The following CCAR2 variants were observed in gnomAD, a reference collection of about 807,000 sequenced individuals.
CCAR2 encodes the protein cell cycle and apoptosis regulator protein 2.
CCAR2 carries 21 observed loss-of-function variants against 108.1 expected under a neutral mutation model. The observed-to-expected ratio is 0.19, with a 90% confidence interval of 0.14 to 0.28. The LOEUF (loss-of-function observed/expected upper bound fraction) is 0.28, where lower values mean the gene tolerates loss of function less well. Among genes scored for constraint, CCAR2 ranks in the 10% least tolerant of loss-of-function variants. The pLI is 1.00. For synonymous variants in CCAR2, 577 were observed against 472.8 expected, an observed-to-expected ratio of 1.22 and a Z score of -2.86; for missense variants, 1,126 against 1,177.0, an observed-to-expected ratio of 0.96 and a Z score of 0.63.
Position 22,607,219 on chromosome 8 carries a change from T to A in CCAR2, c.381T>A (p.Pro127=). ...AGCCCCTACTGAAGTCCCCAGCACC[T>A]CCTCTTCTGCATGTAGCAGCCCTGG... ...SNQPLLKSPA[P]PLLHVAALGQ... is the part of the protein sequence containing the mutation. Residue 127 remains proline (P), a synonymous_variant, in exon 6 of 21, where the codon CCT becomes CCA. Transcript: ENST00000308511. The A allele has an allele frequency of 1.2e-6, 2 of 1,613,972 alleles. No individual in the cohort carries two copies. The highest frequency in any genetic ancestry group is 1.1e-5 in the South Asian group (1 of 91,066).
At position 22,618,667 on chromosome 8, in the gene CCAR2, G is replaced by A. The variant is rs1801621447; in HGVS notation, c.2271G>A (p.Arg757=). 9 of 1,613,982 alleles carry A rather than the reference G, an allele frequency of 5.6e-6. No homozygotes were observed. Among genetic ancestry groups the A allele is most frequent in the Non-Finnish European group, 7.6e-6 (9 of 1,180,048 alleles). ...RVVTQNICQY[R]SLQYSRQEGL... is the part of the protein sequence containing the mutation. ...TGACCCAGAACATCTGCCAGTACCG[G>A]AGCCTTCAGTACAGCCGCCAGGAGG... is the stretch of plus-strand genomic sequence containing the variant. Residue 757 remains arginine (R), a synonymous_variant, in exon 18 of 21, where the codon CGG becomes CGA. Transcript: ENST00000308511.
chr8:22,606,874 T>C (rs2117412751), intron 4 of CCAR2, 36 bp from the exon 5 acceptor site: 1 of 1,606,242 alleles, frequency 6.2e-7, no homozygotes, highest in East Asian at 2.2e-5. Flanking sequence ...CCAGGGTCCC[T>C]CTTCTGATGG....
intron 11 of CCAR2, 67 bp downstream of exon 11, chr8:22,615,068 C>CCGGT: frequency 1.4e-6 from 2 of 1,457,594 alleles, no homozygotes; most frequent in Non-Finnish European, 1.8e-6. Flanking sequence ...TTGGGAAGGC[C>CCGGT]CGGTCCCTGC....
intron 14 of CCAR2, chr8:22,616,672 C>T (rs983071607): frequency 4.3e-5 from 8 of 184,584 alleles, no homozygotes; most frequent in Admixed American, 2.1e-4. Flanking sequence ...AAAAATTAGC[C>T]GGGTGTGGTG....
chr8:22,608,176 A>G lies in CCAR2; in HGVS notation c.584+111A>G. ...AAGTGAACCCAGGTCAACTGCTTGG[A>G]AGGTGGCTATGCTTACCACTAACAT... is the stretch of plus-strand genomic sequence containing the variant. On this transcript the variant is annotated intron_variant, in intron 7 of 20. Coordinates refer to ENST00000308511, the MANE Select transcript of CCAR2 (RefSeq NM_001393997.1). 8.6e-6 allele frequency: 7 copies of G among 813,852 alleles called. No homozygotes were observed. The South Asian group carries it at 1.2e-4, about 14-fold the overall frequency. The allele number at this position is 813,852 out of a possible 1,614,324, so 50.4% of individuals were successfully genotyped here.
rs755617496 is a variant in CCAR2 at position 22,620,417 on chromosome 8, G to GGTTT, written c.*735_*736insGTTT. ...GTTTGACTTTGTATATAAAGTTGGG[G>GGTTT]TTTTTTTTTTTTTTTTTTGGCTTGT... On this transcript the variant is annotated 3_prime_UTR_variant, in exon 21 of 21. Transcript: ENST00000308511. 2.1e-4 allele frequency: 26 copies of GGTTT among 124,090 alleles called. No individual in the cohort carries two copies. Among genetic ancestry groups the GGTTT allele is most frequent in the African/African-American group, 6.5e-4 (22 of 33,882 alleles). 7.7% of individuals were successfully genotyped at this position (124,090 alleles called of 1,614,324 possible). A position where few individuals can be genotyped will look rare whatever the true frequency, so the allele number is the denominator to read the frequency against.
intron 2 of CCAR2, 90 bp from the exon 3 acceptor site, chr8:22,605,995 C>A: frequency 7.5e-7 from 1 of 1,334,468 alleles, no homozygotes; most frequent in Non-Finnish European, 1.1e-6. Context: ...CTGGCTGGAG[C>A]TGTAGCCTTT....
In CCAR2 at chr8:22,614,203, C is replaced by T. The variant is rs1256482033; in HGVS notation, c.816C>T (p.Pro272=). Residue 272 remains proline, a synonymous_variant, in exon 9 of 21, where the codon CCC becomes CCT. Coordinates refer to ENST00000308511, the MANE Select transcript of CCAR2 (RefSeq NM_001393997.1). ...SWLSAFPLSQ[P]FSLHHPSRIQ... ...TATCAGCCTTCCCCCTGAGCCAGCCCTTTTCCCTCCATCATCCAAGCCGGA... is the reference window on the plus strand; with the variant it reads ...TATCAGCCTTCCCCCTGAGCCAGCCTTTTTCCCTCCATCATCCAAGCCGGA... The T allele has an allele frequency of 6.2e-7, 1 of 1,614,104 alleles. No individual in the cohort carries two copies.
Position 22,614,854 on chromosome 8 carries a change from A to C in CCAR2, c.1058A>C (p.Lys353Thr). The C allele has an allele frequency of 1.2e-6, 2 of 1,609,806 alleles. No homozygotes were observed. The highest frequency in any genetic ancestry group is 2.7e-5 in the African/African-American group (2 of 73,294). ...LKQIKFLLGRKEEEAVLVGGE... is the reference protein window; with the variant it reads ...LKQIKFLLGRTEEEAVLVGGE... ...TTCTTGCAGTTTTTGCTGGGCAGGA[A>C]AGAAGAGGAGGCAGTGCTGGTTGGG... Residue 353 changes from lysine to threonine, a missense_variant, in exon 11 of 21, where the codon AAA (lysine) becomes ACA (threonine). Physicochemically the swap from Lys to Thr is moderately conservative, Grantham distance 78. This residue lies in a region of CCAR2 where 1,013 missense variants were observed against 993.9 expected (regional missense o/e 1.02). Transcript: ENST00000308511.
rs7838922 is a variant in CCAR2, at chr8:22,616,007, A to G, written c.1609-5A>G. 0.054 allele frequency: 87,548 copies of G among 1,613,698 alleles called. 6,605 individuals are homozygous for G. Among genetic ancestry groups the G allele is most frequent in the African/African-American group, 0.36 (26,990 of 74,860 alleles). On this transcript the variant is annotated splice_region_variant and splice_polypyrimidine_tract_variant and intron_variant, in intron 13 of 20. Coordinates refer to ENST00000308511, the MANE Select transcript of CCAR2 (RefSeq NM_001393997.1). Reference sequence around the variant, plus strand: ...TGCTCATGGACCCTCCCACCTCCCCATCAGGTGATGGTGCTGGCCGAGCTG... The same window carrying G: ...TGCTCATGGACCCTCCCACCTCCCCGTCAGGTGATGGTGCTGGCCGAGCTG...
chr8:22,617,910 T>G (rs759882091), intron 16 of CCAR2, 132 bp downstream of exon 16: 243 of 927,950 alleles, frequency 2.6e-4, no homozygotes, highest in Non-Finnish European at 3.8e-4. Flanking sequence ...GTGTGGTCCT[T>G]GGCTCATGGA....
At chr8:22,611,248 C>T (rs1428502749) in intron 7 of CCAR2, among the ~76,000 whole-genome samples, 1 of 151,140 alleles carries the variant, frequency 6.6e-6, no homozygotes, top group Non-Finnish European at 1.5e-5. Context: ...GTAATCCCAG[C>T]TACTCGGGAG....
Position 22,614,071 on chromosome 8 carries a change from TC to T in CCAR2, c.705-18del, listed in dbSNP as rs1563916746. ...GTTTTAGTCTTTGCTCAGTCTGGAT[TC>T]CCTTGCTGTCTTCCTGTAGCCCCAT... On this transcript the variant is annotated intron_variant, in intron 8 of 20. Coordinates refer to ENST00000308511, the MANE Select transcript of CCAR2 (RefSeq NM_001393997.1). The T allele has an allele frequency of 6.2e-7, 1 of 1,603,054 alleles. No individual in the cohort carries two copies. Among genetic ancestry groups the T allele is most frequent in the Admixed American group, 1.7e-5 (1 of 59,920 alleles).
intron 14 of CCAR2, among the ~76,000 whole-genome samples, chr8:22,617,086 G>A (rs1801551542): frequency 6.6e-6 from 1 of 151,548 alleles, no homozygotes. Context: ...TGTTGGCCTG[G>A]CTGGTCTTGA....
intron 8 of CCAR2, 192 bp from the exon 9 acceptor site, chr8:22,613,900 C>T (rs1473368813): frequency 1.7e-6 from 1 of 589,108 alleles, no homozygotes; most frequent in Non-Finnish European, 3.0e-6. Flanking sequence ...TTTTCCCTTT[C>T]CCAGTTTGAC....
Position 22,614,181 on chromosome 8 carries a change from C to T in CCAR2, c.794C>T (p.Ser265Leu). Residue 265 changes from serine (S) to leucine (L), a missense_variant, in exon 9 of 21, where the codon TCA becomes TTA. Transcript: ENST00000308511. ...CTGTCCGTGCATCTGAGTTGGCTAT[C>T]AGCCTTCCCCCTGAGCCAGCCCTTT... The part of the protein sequence containing the change: ...DFLSVHLSWL[S>L]AFPLSQPFSL... 1 of 1,614,146 alleles carries T rather than the reference C, an allele frequency of 6.2e-7. No individual in the cohort carries two copies.
chr8:22,616,053 G>A lies in CCAR2; in HGVS notation c.1650G>A (p.Arg550=). The A allele has an allele frequency of 6.2e-7, 1 of 1,614,046 alleles. No individual in the cohort carries two copies. Among genetic ancestry groups the A allele is most frequent in the Non-Finnish European group, 8.5e-7 (1 of 1,180,034 alleles). ...LAELFLEMLQ[R]DFGYRVYKML... ...AGCTGTTTCTGGAGATGCTCCAGAG[G>A]GATTTTGGCTATAGAGTTTATAAGA... The change falls in exon 14 of 21, where the codon AGG becomes AGA. Residue 550 remains arginine (R), a synonymous_variant. Coordinates refer to ENST00000308511, the MANE Select transcript of CCAR2 (RefSeq NM_001393997.1).
downstream of CCAR2, chr8:22,620,757 A>G (rs1443134559): frequency 6.6e-6 from 1 of 152,150 alleles, no homozygotes; most frequent in Non-Finnish European, 1.5e-5. Context: ...AATTCCAGAT[A>G]CTCAGGTGAG....
chr8:22,616,277 T>C, intron 14 of CCAR2, 29 bp downstream of exon 14: 13 of 1,601,176 alleles, frequency 8.1e-6, no homozygotes, highest in South Asian at 1.1e-5. Flanking sequence ...CGGGCTGTCA[T>C]AGTGCTTACC....
Sources: gnomAD v4.1 joint callset for allele counts (sites outside exome capture counted in the v4.1 genomes callset) on GRCh38, gnomAD v4.1.1 for gene constraint, gnomAD v4.1.1 regional missense constraint, MANE v1.5 for transcripts, NCBI Gene and HGNC (gene_info 2026-07-23, HGNC 2026-07-21) for gene names.